RUNX2: variants seen among roughly 807,000 people sequenced by gnomAD.
RUNX2 encodes the protein RUNX family transcription factor 2.
In RUNX2, 10 loss-of-function variants were observed where a neutral mutation model predicts 51.7. That is an observed-to-expected ratio of 0.19 (90% CI 0.12 to 0.33). The LOEUF is 0.33. Among genes scored for constraint, RUNX2 ranks in the 10% least tolerant of loss-of-function variants. The pLI, the probability that RUNX2 is intolerant of heterozygous loss-of-function variation, is 1.00. For synonymous variants in RUNX2, 276 were observed against 273.6 expected (o/e 1.01, Z -0.09); for missense variants, 562 against 691.3 (o/e 0.81, Z 2.10).
At chr6:45,435,358 T>A (rs1582108891) in intron 4 of RUNX2, among the ~76,000 whole-genome samples, 1 of 152,194 alleles carries the variant, frequency 6.6e-6, no homozygotes, top group East Asian at 1.9e-4. Flanking sequence ...CAATCTATTT[T>A]ATCTTTTTTT....
chr6:45,383,717 A>G (rs1296074978), intron 2 of RUNX2, among the ~76,000 whole-genome samples: 3 of 152,254 alleles, frequency 2.0e-5, no homozygotes, highest in Admixed American at 6.5e-5. Flanking sequence ...AAGTATTTTC[A>G]TTGAAACTGA....
intron 8 of RUNX2, among the ~76,000 whole-genome samples, 167 bp from the exon 9 acceptor site, chr6:45,546,660 G>C (rs570253312): frequency 3.2e-4 from 48 of 152,218 alleles, no homozygotes; most frequent in Non-Finnish European, 5.6e-4. Flanking sequence ...CTGCAAAGTG[G>C]GGGAAAAAGA....
intron 2 of RUNX2, chr6:45,371,936 A>G (rs2150312653): frequency 1.3e-6 from 1 of 793,814 alleles, no homozygotes; most frequent in African/African-American, 1.9e-5. Flanking sequence ...CCAAGGACAC[A>G]CTACTATTTA....
chr6:45,475,442 C>T (rs926718056), intron 5 of RUNX2, among the ~76,000 whole-genome samples: 3 of 152,050 alleles, frequency 2.0e-5, no homozygotes, highest in African/African-American at 4.8e-5. Context: ...CTGTCTTATC[C>T]CTGGCTCCAT....
At chr6:45,441,316 G>A (rs1252903076) in intron 5 of RUNX2, among the ~76,000 whole-genome samples, 5 of 152,110 alleles carry the variant, frequency 3.3e-5, no homozygotes, top group African/African-American at 1.2e-4. Flanking sequence ...ACAAATTCTG[G>A]GTTAACTGGT....
intron 3 of RUNX2, among the ~76,000 whole-genome samples, chr6:45,427,012 A>T (rs1419660867): frequency 6.6e-6 from 1 of 152,194 alleles, no homozygotes; most frequent in Non-Finnish European, 1.5e-5. Context: ...AATATAAATT[A>T]TTATGCAAAA....
intron 5 of RUNX2, among the ~76,000 whole-genome samples, chr6:45,447,427 T>C (rs1028112065): frequency 6.6e-6 from 1 of 152,268 alleles, no homozygotes; most frequent in Non-Finnish European, 1.5e-5. Flanking sequence ...ATTCCTTTTC[T>C]GTTGTTCTAG....
intron 2 of RUNX2, among the ~76,000 whole-genome samples, chr6:45,352,962 G>C (rs1162243032): frequency 1.3e-5 from 2 of 152,034 alleles, no homozygotes; most frequent in Admixed American, 1.3e-4. Flanking sequence ...TAGTTTGGCT[G>C]ATTTTTACAT....
intron 2 of RUNX2, among the ~76,000 whole-genome samples, chr6:45,337,451 A>G (rs1054943227): frequency 3.3e-5 from 5 of 151,838 alleles, no homozygotes; most frequent in African/African-American, 1.2e-4. Context: ...TACTCTAAAA[A>G]TACTCATTTC....
At chr6:45,424,552 A>T (rs1164993603) in intron 3 of RUNX2, among the ~76,000 whole-genome samples, 1 of 151,780 alleles carries the variant, frequency 6.6e-6, no homozygotes, top group Non-Finnish European at 1.5e-5. Flanking sequence ...TAAAAAAAAA[A>T]GTTGGGGGAG....
At chr6:45,452,986 G>T (rs995182804) in intron 5 of RUNX2, among the ~76,000 whole-genome samples, 1 of 152,132 alleles carries the variant, frequency 6.6e-6, no homozygotes, top group Non-Finnish European at 1.5e-5. Flanking sequence ...TTGAAGATGG[G>T]TCAGAAGTCA....
intron 2 of RUNX2, among the ~76,000 whole-genome samples, chr6:45,396,737 A>G (rs1797589222): frequency 1.3e-5 from 2 of 152,336 alleles, no homozygotes; most frequent in South Asian, 4.1e-4. Flanking sequence ...TGGACATTTC[A>G]TATAAATAGA....
intron 2 of RUNX2, among the ~76,000 whole-genome samples, chr6:45,378,457 AGTACAGGC>A (rs1179010547): frequency 6.6e-6 from 1 of 152,230 alleles, no homozygotes; most frequent in African/African-American, 2.4e-5. Flanking sequence ...GCAGGGCCGC[AGTACAGGC>A]GTGTGGATGT....
At chr6:45,501,376 A>C (rs1170047093) in intron 6 of RUNX2, among the ~76,000 whole-genome samples, 1 of 152,090 alleles carries the variant, frequency 6.6e-6, no homozygotes, top group African/African-American at 2.4e-5. Context: ...ATTTCATTTC[A>C]TCATGTTGCT....
intron 2 of RUNX2, among the ~76,000 whole-genome samples, chr6:45,330,719 CT>C (rs1051835312): frequency 6.7e-5 from 10 of 149,354 alleles, no homozygotes; most frequent in East Asian, 5.9e-4. Context: ...GGTAGTGAAC[CT>C]TTTTTTTTTC....
intron 7 of RUNX2, among the ~76,000 whole-genome samples, chr6:45,526,412 T>C (rs1801675246): frequency 6.6e-6 from 1 of 152,196 alleles, no homozygotes. Flanking sequence ...ACTGGAGAAA[T>C]GAGAACCTTA....
At chr6:45,509,839 A>G (rs935528956) in intron 6 of RUNX2, among the ~76,000 whole-genome samples, 1 of 152,108 alleles carries the variant, frequency 6.6e-6, no homozygotes, top group East Asian at 1.9e-4. Context: ...CCCTAGACGG[A>G]TGACTTGTTG....
Position 45,420,708 on chromosome 6 carries a change from A to G in RUNX2, c.59-1885A>G, listed in dbSNP as rs1465142212. ...ATAAGCAAGAAACGTAGTAGTACAC[A>G]ACGCCGAGGGTAAAACGGCCCTGTG... On this transcript the variant is annotated intron_variant, in intron 2 of 8. Transcript: ENST00000647337. Among the ~76,000 whole-genome samples the G allele has an allele frequency of 3.9e-5, 6 of 152,226 alleles. No homozygotes were observed. In the East Asian group the frequency reaches 7.7e-4, roughly 20 times the overall value.
chr6:45,421,408 CT>C (rs1798185063), intron 2 of RUNX2: 1 of 152,096 alleles, frequency 6.6e-6, no homozygotes, highest in Non-Finnish European at 1.5e-5. Context: ...ACCCCCCCTC[CT>C]CATTTTTTTT....
Sources: gnomAD v4.1 joint callset for allele counts (sites outside exome capture counted in the v4.1 genomes callset) on GRCh38, gnomAD v4.1.1 for gene constraint, MANE v1.5 for transcripts, NCBI Gene and HGNC (gene_info 2026-07-23, HGNC 2026-07-21) for gene names.